Variants in SHISA6 observed in about 807,000 individuals in gnomAD.
The protein encoded by SHISA6 is protein shisa-6.
A neutral mutation model predicts 47.9 loss-of-function variants in SHISA6; 22 were observed. The ratio of observed to expected loss-of-function variants is 0.46; its 90% confidence interval spans 0.33 to 0.66. The LOEUF is 0.66. Ranked by LOEUF, SHISA6 falls within the 30% of genes least tolerant of loss-of-function variation. The probability of loss-of-function intolerance (pLI) is 0.02; values close to 1 mark genes in which losing one functional copy is unlikely to be tolerated. For missense variants in SHISA6, 680 were observed against 764.6 expected, an observed-to-expected ratio of 0.89 and a Z score of 1.30; for synonymous variants, 388 against 337.8, an observed-to-expected ratio of 1.15 and a Z score of -1.63.
intron 2 of SHISA6, among the ~76,000 whole-genome samples, chr17:11,355,536 A>G (rs189001210): frequency 5.7e-4 from 87 of 152,360 alleles, no homozygotes; most frequent in African/African-American, 2.1e-3. Flanking sequence ...TGATGGAAGG[A>G]CAAGGGGAGG....
intron 3 of SHISA6, among the ~76,000 whole-genome samples, chr17:11,524,005 C>T (rs2142365031): frequency 7.1e-6 from 1 of 140,570 alleles, no homozygotes; most frequent in South Asian, 2.2e-4. Flanking sequence ...GAAACTCGGT[C>T]TCAAAGAAAA....
chr17:11,331,830 C>G (rs1911127731), intron 2 of SHISA6, among the ~76,000 whole-genome samples: 1 of 152,074 alleles, frequency 6.6e-6, no homozygotes, highest in South Asian at 2.1e-4. Flanking sequence ...ACACAAACCT[C>G]TAGTCTTGCT....
At chr17:11,394,184 G>A (rs1047387519) in intron 3 of SHISA6, among the ~76,000 whole-genome samples, 1 of 152,184 alleles carries the variant, frequency 6.6e-6, no homozygotes, top group East Asian at 1.9e-4. Context: ...TTGATGCCCA[G>A]TGGATATTCA....
intron 3 of SHISA6, among the ~76,000 whole-genome samples, chr17:11,430,416 T>C (rs1914721659): frequency 6.6e-6 from 1 of 152,214 alleles, no homozygotes; most frequent in South Asian, 2.1e-4. Flanking sequence ...TCTGAGGGAC[T>C]ATGATCAACA....
intron 4 of SHISA6, among the ~76,000 whole-genome samples, chr17:11,553,968 C>T (rs1597584191): frequency 1.3e-5 from 2 of 152,070 alleles, no homozygotes; most frequent in Admixed American, 1.3e-4. Context: ...GGGAGAGTAT[C>T]CCATGAAGGC....
chr17:11,536,064 A>G (rs1389486265), intron 3 of SHISA6, among the ~76,000 whole-genome samples: 2 of 128,172 alleles, frequency 1.6e-5, no homozygotes, highest in Non-Finnish European at 3.3e-5. Context: ...AACGTGATAA[A>G]TAAAGCTCCA....
chr17:11,549,837 T>C (rs1253580167), intron 3 of SHISA6, among the ~76,000 whole-genome samples: 4 of 152,236 alleles, frequency 2.6e-5, no homozygotes, highest in Admixed American at 6.5e-5. Flanking sequence ...GAACTAGTTT[T>C]CTTCTTGCCT....
At chr17:11,522,692 C>G (rs1271008118) in intron 3 of SHISA6, among the ~76,000 whole-genome samples, 1 of 152,190 alleles carries the variant, frequency 6.6e-6, no homozygotes, top group African/African-American at 2.4e-5. Flanking sequence ...CCTTGAAGTC[C>G]TGGCCTCAAG....
At chr17:11,526,215 T>C (rs924926714) in intron 3 of SHISA6, among the ~76,000 whole-genome samples, 2 of 152,086 alleles carry the variant, frequency 1.3e-5, no homozygotes, top group Non-Finnish European at 2.9e-5. Flanking sequence ...CTGGATATCA[T>C]TTCTTTCAGC....
At chr17:11,280,944 TAAA>T (rs1195638041) in intron 2 of SHISA6, among the ~76,000 whole-genome samples, 6 of 152,214 alleles carry the variant, frequency 3.9e-5, no homozygotes, top group Non-Finnish European at 8.8e-5. Context: ...ATCACCTTCT[TAAA>T]GAACTGAGCA....
Position 11,241,824 on chromosome 17 carries a change from C to T in SHISA6, c.402C>T (p.His134=), listed in dbSNP as rs967511750. The stretch of plus-strand genomic sequence containing the variant: ...ACCGCTTCTGCTGCAAGAAGCGCCA[C>T]GAGAAGCTGGACCAGCGCCAGTGCA... ...CYYRFCCKKR[H]EKLDQRQCTN... Residue 134 remains histidine, a synonymous_variant, in exon 1 of 6, where the codon CAC becomes CAT. Coordinates refer to ENST00000441885, the MANE Select transcript of SHISA6 (RefSeq NM_207386.4). This position sits in a 1 kb window ranked among gnomAD's most constrained non-coding sequence, Gnocchi z 5.5. 11 of 1,551,038 alleles carry T rather than the reference C, an allele frequency of 7.1e-6. No individual in the cohort carries two copies. The highest frequency in any genetic ancestry group is 9.6e-6 in the Non-Finnish European group (11 of 1,147,006).
chr17:11,502,830 T>C (rs2071466667), intron 3 of SHISA6, among the ~76,000 whole-genome samples: 1 of 152,222 alleles, frequency 6.6e-6, no homozygotes, highest in African/African-American at 2.4e-5. Flanking sequence ...TTGTATGCAG[T>C]AGTTTACTCT....
intron 2 of SHISA6, among the ~76,000 whole-genome samples, chr17:11,355,075 A>C (rs149677639): frequency 6.6e-6 from 1 of 152,268 alleles, no homozygotes; most frequent in African/African-American, 2.4e-5. Flanking sequence ...TTAGCACTTT[A>C]CTATTCACAT....
At chr17:11,528,100 G>A (rs2071701591) in intron 3 of SHISA6, among the ~76,000 whole-genome samples, 1 of 151,940 alleles carries the variant, frequency 6.6e-6, no homozygotes, top group African/African-American at 2.4e-5. Flanking sequence ...GGGGGTTGGG[G>A]GTACTTTATA....
chr17:11,297,910 A>G (rs887960853), intron 2 of SHISA6, among the ~76,000 whole-genome samples: 1 of 152,122 alleles, frequency 6.6e-6, no homozygotes, highest in Non-Finnish European at 1.5e-5. Context: ...GGGTTTGTTT[A>G]TCTGGTGGTT....
intron 3 of SHISA6, among the ~76,000 whole-genome samples, chr17:11,495,118 C>T (rs1157491268): frequency 6.6e-6 from 1 of 152,126 alleles, no homozygotes; most frequent in African/African-American, 2.4e-5. Context: ...GTAGATTTCT[C>T]AGAGCTCTAT....
intron 3 of SHISA6, among the ~76,000 whole-genome samples, chr17:11,399,642 G>A (rs7211917): frequency 0.046 from 7,069 of 152,102 alleles, 497 homozygotes; most frequent in African/African-American, 0.15. Context: ...TGCTGGTCTC[G>A]AGCTCCTCAC....
chr17:11,400,576 C>T (rs1913734756), intron 3 of SHISA6, among the ~76,000 whole-genome samples: 2 of 152,136 alleles, frequency 1.3e-5, no homozygotes, highest in South Asian at 4.1e-4. Context: ...CTGCCTCCAC[C>T]CTCTCTGCTC....
intron 2 of SHISA6, among the ~76,000 whole-genome samples, chr17:11,311,130 AAAT>A (rs1597452101): frequency 2.7e-5 from 4 of 149,732 alleles, no homozygotes; most frequent in African/African-American, 9.9e-5. Context: ...AAAAAAAAAA[AAAT>A]TAGCCGGGTG....
Sources: allele counts gnomAD v4.1 joint callset (sites outside exome capture counted in the v4.1 genomes callset), GRCh38; gene constraint gnomAD v4.1.1; non-coding constraint Gnocchi (gnomAD v3.1); transcripts MANE v1.5; gene names NCBI Gene and HGNC (gene_info 2026-07-23, HGNC 2026-07-21).